Variants in MARK4 observed in about 807,000 individuals in gnomAD.
MARK4 encodes MAP/microtubule affinity-regulating kinase 4.
Under a neutral mutation model 81.5 loss-of-function variants are expected in MARK4, and 19 were observed. The observed-to-expected ratio is 0.23, with a 90% CI of 0.16 to 0.34. The LOEUF (loss-of-function observed/expected upper bound fraction) is 0.34. Among genes scored for constraint, MARK4 ranks in the 10% least tolerant of loss-of-function variants. The pLI is 1.00. For synonymous variants in MARK4, 436 were observed against 439.0 expected (o/e 0.99, Z 0.08); for missense variants, 772 against 1,058.8 (o/e 0.73, Z 3.76).
Position 45,287,640 on chromosome 19 carries a change from G to A in MARK4, c.1470G>A (p.Arg490=). 6.3e-7 allele frequency: 1 copy of A among 1,598,676 alleles called. No homozygotes were observed. Among genetic ancestry groups the A allele is most frequent in the Non-Finnish European group, 8.6e-7 (1 of 1,169,562 alleles). ...HNPNKAEIPE[R]RKDSTSTPNN... Reference sequence around the variant, plus strand: ...CCAACAAGGCAGAGATCCCAGAGCGGCGGAAGGACAGCACGAGCACCCCCG... The same window carrying A: ...CCAACAAGGCAGAGATCCCAGAGCGACGGAAGGACAGCACGAGCACCCCCG... Residue 490 remains arginine (R), a synonymous_variant, in exon 13 of 17, where the codon CGG becomes CGA. Coordinates refer to ENST00000262891, the MANE Select transcript of MARK4 (RefSeq NM_001199867.2).
At chr19:45,284,056 C>T (rs971192786) in intron 12 of MARK4, among the ~76,000 whole-genome samples, 2 of 151,812 alleles carry the variant, frequency 1.3e-5, no homozygotes, top group African/African-American at 4.8e-5. Flanking sequence ...CTCACTCTGT[C>T]GCCCAGGCTG....
In MARK4 at chr19:45,303,760, G is replaced by C. The variant is rs573056373; in HGVS notation, c.*1050G>C. The stretch of plus-strand genomic sequence containing the variant: ...TGTGGGAGACAGGGATTCTGACACA[G>C]ACACCGGACAAACCATTGTCTTGGG... On this transcript the variant is annotated 3_prime_UTR_variant, in exon 17 of 17. Transcript: ENST00000262891. The C allele has an allele frequency of 1.3e-5, 2 of 152,388 alleles. No individual in the cohort carries two copies. The highest frequency in any genetic ancestry group is 4.8e-5 in the African/African-American group (2 of 41,594). The allele number at this position is 152,388 out of a possible 1,614,324, so 9.4% of individuals were successfully genotyped here. A position where few individuals can be genotyped will look rare whatever the true frequency, so the allele number is the denominator to read the frequency against.
At chr19:45,264,331 G>A (rs1480941060) in intron 4 of MARK4, among the ~76,000 whole-genome samples, 2 of 151,930 alleles carry the variant, frequency 1.3e-5, no homozygotes, top group African/African-American at 4.8e-5. Context: ...GAGAAACCCC[G>A]TATCTATTAA....
chr19:45,262,962 G>A (rs565155232), intron 2 of MARK4, 151 bp from the exon 3 acceptor site: 23 of 801,560 alleles, frequency 2.9e-5, no homozygotes, highest in African/African-American at 2.6e-4. Context: ...ACAGGGTTTC[G>A]TCGTGTTGAC....
chr19:45,253,184 C>T (rs1171750845), intron 1 of MARK4, among the ~76,000 whole-genome samples: 1 of 134,612 alleles, frequency 7.4e-6, no homozygotes, highest in Admixed American at 7.2e-5. Context: ...CTCCGACAGA[C>T]CCCCCCACAC....
At chr19:45,276,503 G>A (rs547855302) in intron 8 of MARK4, among the ~76,000 whole-genome samples, 82 of 152,160 alleles carry the variant, frequency 5.4e-4, no homozygotes, top group Non-Finnish European at 9.0e-4. Flanking sequence ...AGGCATGGCT[G>A]GGGGAGGGGA....
chr19:45,265,713 G>T (rs1970444391), intron 6 of MARK4, among the ~76,000 whole-genome samples: 1 of 150,378 alleles, frequency 6.6e-6, no homozygotes, highest in Non-Finnish European at 1.5e-5. Context: ...TGGGGCATGA[G>T]GGGTAAGAAG....
chr19:45,304,520 G>C lies in MARK4; in HGVS notation c.*1810G>C, dbSNP rs558508685. On this transcript the variant is annotated 3_prime_UTR_variant, in exon 17 of 17. Transcript: ENST00000262891. Reference sequence around the variant, plus strand: ...GCACCTTTGGGGCCAAAATGAATAAGCTGGACTTTCTCCCCATGGCACTGG... The same window carrying C: ...GCACCTTTGGGGCCAAAATGAATAACCTGGACTTTCTCCCCATGGCACTGG... 1 of 152,390 alleles carries C rather than the reference G, an allele frequency of 6.6e-6. No homozygotes were observed. Among genetic ancestry groups the C allele is most frequent in the South Asian group, 2.1e-4 (1 of 4,834 alleles). The allele number at this position is 152,390 out of a possible 1,614,324, so 9.4% of individuals were successfully genotyped here. A position where few individuals can be genotyped will look rare whatever the true frequency, so the allele number is the denominator to read the frequency against.
intron 1 of MARK4, among the ~76,000 whole-genome samples, chr19:45,257,966 G>A (rs1970330903): frequency 6.6e-6 from 1 of 150,512 alleles, no homozygotes; most frequent in Non-Finnish European, 1.5e-5. Context: ...TGGAATTACA[G>A]GTGTGAGCCA....
intron 4 of MARK4, among the ~76,000 whole-genome samples, chr19:45,264,085 A>G (rs1461185756): frequency 6.6e-6 from 1 of 152,150 alleles, no homozygotes; most frequent in African/African-American, 2.4e-5. Context: ...TCATTCATTC[A>G]TTCATTTACT....
At chr19:45,252,026 C>G (rs569833947) in intron 1 of MARK4, among the ~76,000 whole-genome samples, 4 of 152,100 alleles carry the variant, frequency 2.6e-5, no homozygotes, top group East Asian at 3.9e-4. Flanking sequence ...CCCTGACCCC[C>G]CAAGGCCCGG....
At chr19:45,293,901 T>C (rs1479908092) in intron 13 of MARK4, among the ~76,000 whole-genome samples, 2 of 152,048 alleles carry the variant, frequency 1.3e-5, no homozygotes, top group African/African-American at 4.8e-5. Flanking sequence ...ACCTGAAAGA[T>C]ATGTAGGAGT....
At chr19:45,290,893 C>G (rs1970812103) in intron 13 of MARK4, among the ~76,000 whole-genome samples, 1 of 152,094 alleles carries the variant, frequency 6.6e-6, no homozygotes, top group Non-Finnish European at 1.5e-5. Context: ...TGAGGGAACC[C>G]CGTGGGGATG....
At position 45,263,093 on chromosome 19, in the gene MARK4, C is replaced by T. The variant is rs201999826; in HGVS notation, c.253-20C>T. 1 of 1,596,698 alleles carries T rather than the reference C, an allele frequency of 6.3e-7. No homozygotes were observed. Among genetic ancestry groups the T allele is most frequent in the African/African-American group, 1.3e-5 (1 of 74,604 alleles). On this transcript the variant is annotated intron_variant, in intron 2 of 16. Transcript: ENST00000262891. ...GCTTGTGGCACCTTGACCGTCCCTC[C>T]TCCTTTCCTCCCCCTCTAGGTTGCC...
chr19:45,253,322 C>T (rs1022659969), intron 1 of MARK4, among the ~76,000 whole-genome samples: 1 of 152,178 alleles, frequency 6.6e-6, no homozygotes, highest in African/African-American at 2.4e-5. Context: ...ATGCCTACCA[C>T]CTCTGTTCCT....
chr19:45,279,071 A>G (rs1970638818), intron 10 of MARK4, among the ~76,000 whole-genome samples: 2 of 150,952 alleles, frequency 1.3e-5, no homozygotes, highest in Admixed American at 1.3e-4. Flanking sequence ...AATAAAAATA[A>G]AAAATTAGCC....
intron 8 of MARK4, among the ~76,000 whole-genome samples, chr19:45,274,173 T>C (rs1182141232): frequency 1.3e-5 from 2 of 150,632 alleles, no homozygotes; most frequent in Non-Finnish European, 1.5e-5. Flanking sequence ...GGCATGAACC[T>C]GGGAGGTGGA....
Position 45,259,062 on chromosome 19 carries a change from G to A in MARK4, c.125G>A (p.Cys42Tyr), listed in dbSNP as rs1970347154. The A allele has an allele frequency of 1.2e-6, 2 of 1,614,030 alleles. No individual in the cohort carries two copies. The highest frequency in any genetic ancestry group is 2.2e-5 in the East Asian group (1 of 44,872). Residue 42 changes from cysteine (C) to tyrosine (Y), a missense_variant, in exon 2 of 17, where the codon TGC (cysteine) becomes TAC (tyrosine). This residue lies in a region of MARK4 where 115 missense variants were observed against 139.8 expected (regional missense o/e 0.82). Transcript: ENST00000262891. Reference sequence around the variant, plus strand: ...TCCAGCCGCTCACTGGGTGCCCGTTGCCGGAACTCCATCGCCTCCTGTCCC... The same window carrying A: ...TCCAGCCGCTCACTGGGTGCCCGTTACCGGAACTCCATCGCCTCCTGTCCC... ...SWSSRSLGARCRNSIASCPEE... is the reference protein window; with the variant it reads ...SWSSRSLGARYRNSIASCPEE...
intron 7 of MARK4, among the ~76,000 whole-genome samples, chr19:45,266,603 G>A (rs554618785): frequency 7.0e-4 from 106 of 152,080 alleles, no homozygotes; most frequent in Admixed American, 3.3e-3. Flanking sequence ...GGGGTTTGTC[G>A]CTCTCAGAGC....
Sources: gnomAD v4.1 joint callset for allele counts (sites outside exome capture counted in the v4.1 genomes callset) on GRCh38, gnomAD v4.1.1 for gene constraint, gnomAD v4.1.1 regional missense constraint, MANE v1.5 for transcripts, NCBI Gene and HGNC (gene_info 2026-07-23, HGNC 2026-07-21) for gene names.